CDIP1: variants seen among roughly 807,000 people sequenced by gnomAD.
CDIP1 encodes cell death-inducing p53-target protein 1.
Under a neutral mutation model 17.7 loss-of-function variants are expected in CDIP1, and 9 were observed. The observed-to-expected ratio is 0.51, with a 90% CI of 0.31 to 0.89. CDIP1 has a LOEUF of 0.89. CDIP1 is among the 40% of genes least tolerant of loss of function. The pLI is 0.05. For synonymous variants in CDIP1, 117 were observed against 109.5 expected (o/e 1.07, Z -0.43); for missense variants, 263 against 277.9 (o/e 0.95, Z 0.38).
chr16:4,533,599 C>T (rs1207414072), intron 1 of CDIP1: 1 of 152,288 alleles, frequency 6.6e-6, no homozygotes, highest in Admixed American at 6.5e-5. Context: ...GATCCACTAT[C>T]TCATCTAACA....
chr16:4,532,474 G>C (rs1021495733), intron 1 of CDIP1: 1 of 152,538 alleles, frequency 6.6e-6, no homozygotes, highest in Non-Finnish European at 1.5e-5. Flanking sequence ...GCTCCACTGA[G>C]CAGGGAACAC....
intron 1 of CDIP1, among the ~76,000 whole-genome samples, chr16:4,516,322 C>T (rs1395865826): frequency 6.6e-6 from 1 of 152,036 alleles, no homozygotes; most frequent in Non-Finnish European, 1.5e-5. Context: ...GCTCTGAAAC[C>T]GATTGTAGCA....
At chr16:4,537,137 C>T (rs1329359236) in intron 1 of CDIP1, among the ~76,000 whole-genome samples, 1 of 152,150 alleles carries the variant, frequency 6.6e-6, no homozygotes, top group Non-Finnish European at 1.5e-5. Flanking sequence ...TAATTAATGA[C>T]ATGCATGCTT....
chr16:4,529,884 T>C (rs927759439), intron 1 of CDIP1, among the ~76,000 whole-genome samples: 32 of 152,238 alleles, frequency 2.1e-4, no homozygotes, highest in African/African-American at 6.5e-4. Flanking sequence ...CAGACACAAA[T>C]GTCTCCTGGC....
intron 1 of CDIP1, among the ~76,000 whole-genome samples, chr16:4,519,377 G>T (rs773056867): frequency 6.6e-6 from 1 of 152,236 alleles, no homozygotes; most frequent in African/African-American, 2.4e-5. Context: ...AGATCCCACA[G>T]GTTGAGGGCT....
intron 1 of CDIP1, chr16:4,524,360 A>G (rs913978200): frequency 1.3e-5 from 2 of 152,366 alleles, no homozygotes; most frequent in Non-Finnish European, 2.9e-5. Flanking sequence ...CGCCTAATGA[A>G]GTACAGACTG....
intron 1 of CDIP1, among the ~76,000 whole-genome samples, chr16:4,528,213 G>A (rs1485624299): frequency 3.9e-5 from 6 of 152,212 alleles, no homozygotes; most frequent in East Asian, 1.9e-4. Flanking sequence ...TTCTTTAGAT[G>A]TATTTACATA....
At position 4,512,418 on chromosome 16, in the gene CDIP1, G is replaced by C; in HGVS notation, c.*154C>G. The C allele has an allele frequency of 1.6e-6, 1 of 634,828 alleles. No homozygotes were observed. Among genetic ancestry groups the C allele is most frequent in the African/African-American group, 1.8e-5 (1 of 54,978 alleles). 39.3% of individuals were successfully genotyped at this position (634,828 alleles called of 1,614,324 possible). A position where few individuals can be genotyped will look rare whatever the true frequency, so the allele number is the denominator to read the frequency against. The stretch of plus-strand genomic sequence containing the variant: ...AGAATTTTTGCCAGAAGAGTCAGCG[G>C]CTCAGGTAGGGCAGGGTGAAGAGGA... On this transcript the variant is annotated 3_prime_UTR_variant, in exon 6 of 6. Coordinates refer to ENST00000567695, the MANE Select transcript of CDIP1 (RefSeq NM_013399.3). This position sits in a 1 kb window ranked among gnomAD's most constrained non-coding sequence, Gnocchi z 4.6.
intron 1 of CDIP1, among the ~76,000 whole-genome samples, chr16:4,526,475 C>G (rs1259781437): frequency 1.3e-5 from 2 of 151,866 alleles, no homozygotes; most frequent in East Asian, 3.9e-4. Context: ...CCAAGGCAGG[C>G]GGATCACAGA....
intron 1 of CDIP1, among the ~76,000 whole-genome samples, chr16:4,534,831 G>A (rs1400797700): frequency 6.6e-6 from 1 of 151,264 alleles, no homozygotes; most frequent in Admixed American, 6.6e-5. Flanking sequence ...TGATTCTCCT[G>A]TCTCAGCCTC....
rs2058847553 is a variant in CDIP1, at chr16:4,512,931, C to T, written c.375G>A (p.Val125=). The T allele has an allele frequency of 1.9e-6, 3 of 1,581,288 alleles. No homozygotes were observed. Among genetic ancestry groups the T allele is most frequent in the Non-Finnish European group, 1.7e-6 (2 of 1,163,978 alleles). ...VLVPSGAATT[V]TVLQGEIFEG... ...CAAAGATCTCTCCCTGCAGCACTGT[C>T]ACCGTGGTGGCAGCTCCTGAAGGGA... The change falls in exon 5 of 6, where the codon GTG becomes GTA. Residue 125 remains valine (V), a synonymous_variant. Transcript: ENST00000567695. The surrounding 1 kb of genome is among the most constrained non-coding windows in gnomAD (Gnocchi z 4.6).
In CDIP1 at chr16:4,512,500, G is replaced by A; in HGVS notation, c.*72C>T. 1 of 1,112,634 alleles carries A rather than the reference G, an allele frequency of 9.0e-7. No individual in the cohort carries two copies. Among genetic ancestry groups the A allele is most frequent in the Non-Finnish European group, 1.4e-6 (1 of 728,472 alleles). The allele number at this position is 1,112,634 out of a possible 1,614,324, so 68.9% of individuals were successfully genotyped here. On this transcript the variant is annotated 3_prime_UTR_variant, in exon 6 of 6. Transcript: ENST00000567695. This position sits in a 1 kb window ranked among gnomAD's most constrained non-coding sequence, Gnocchi z 4.6. ...CAGCCCCAAGTGGGAGCGGGAAAGT[G>A]ACCACTGAGCACAGGGAGCAAAGCA...
chr16:4,523,274 G>C (rs948091494), intron 1 of CDIP1, among the ~76,000 whole-genome samples: 53 of 152,278 alleles, frequency 3.5e-4, no homozygotes, highest in African/African-American at 1.3e-3. Context: ...CCAGCACTTT[G>C]GGAGGCTGAG....
At position 4,514,435 on chromosome 16, in the gene CDIP1, C is replaced by T. The variant is rs547456845; in HGVS notation, c.-15+140G>A. 8.6e-4 allele frequency: 327 copies of T among 382,382 alleles called. 1 individual carries two copies. The highest frequency in any genetic ancestry group is 6.2e-3 in the African/African-American group (295 of 47,624). The allele number at this position is 382,382 out of a possible 1,614,324, so 23.7% of individuals were successfully genotyped here. On this transcript the variant is annotated intron_variant, in intron 2 of 5. Transcript: ENST00000567695. The surrounding 1 kb of genome is among the most constrained non-coding windows in gnomAD (Gnocchi z 5.2). The stretch of plus-strand genomic sequence containing the variant: ...GTCCCCCAAGGAGCCTAACTCAGCA[C>T]TTGCCCCACACGAGAGCAGTTTGGC...
chr16:4,517,750 A>AAC (rs1567414841), intron 1 of CDIP1, among the ~76,000 whole-genome samples: 1 of 142,092 alleles, frequency 7.0e-6, no homozygotes, highest in African/African-American at 2.5e-5. Context: ...CAAAAAACAA[A>AAC]AAAAAAAAAA....
chr16:4,531,413 G>A (rs1417718802), intron 1 of CDIP1, among the ~76,000 whole-genome samples: 1 of 151,994 alleles, frequency 6.6e-6, no homozygotes, highest in African/African-American at 2.4e-5. Flanking sequence ...TTCTGCCTCA[G>A]CCTCCCAAAG....
rs1478300167 is a variant in CDIP1, at chr16:4,513,565, G to A, written c.241+131C>T. On this transcript the variant is annotated intron_variant, in intron 4 of 5. Transcript: ENST00000567695. The surrounding 1 kb of genome is among the most constrained non-coding windows in gnomAD (Gnocchi z 4.1). The stretch of plus-strand genomic sequence containing the variant: ...CTGTCCACACACAGCCTGAGCCCTA[G>A]GCAAGGGCTGGTTGGGCGTGTTGGA... 3 of 773,356 alleles carry A rather than the reference G, an allele frequency of 3.9e-6. No homozygotes were observed. Among genetic ancestry groups the A allele is most frequent in the Non-Finnish European group, 6.5e-6 (3 of 459,134 alleles). The allele number at this position is 773,356 out of a possible 1,614,324, so 47.9% of individuals were successfully genotyped here.
intron 1 of CDIP1, among the ~76,000 whole-genome samples, chr16:4,516,074 A>G (rs111673910): frequency 6.6e-6 from 1 of 152,208 alleles, no homozygotes; most frequent in African/African-American, 2.4e-5. Context: ...CTGCCCAGAC[A>G]ATGGAAGACG....
At chr16:4,515,484 G>C (rs1019808394) in intron 1 of CDIP1, among the ~76,000 whole-genome samples, 3 of 152,178 alleles carry the variant, frequency 2.0e-5, no homozygotes, top group Admixed American at 2.0e-4. Context: ...GATGTCATCA[G>C]AATGAAAAAC....
Sources: gnomAD v4.1 joint callset for allele counts (sites outside exome capture counted in the v4.1 genomes callset) on GRCh38, gnomAD v4.1.1 for gene constraint, Gnocchi (gnomAD v3.1) non-coding constraint, MANE v1.5 for transcripts, NCBI Gene and HGNC (gene_info 2026-07-23, HGNC 2026-07-21) for gene names.